Variants in IL1RAPL2 observed in about 807,000 individuals in gnomAD.
IL1RAPL2 encodes the protein X-linked interleukin-1 receptor accessory protein-like 2.
IL1RAPL2 carries 3 observed loss-of-function variants against 44.1 expected under a neutral mutation model. The observed-to-expected ratio is 0.07, with a 90% confidence interval of 0.03 to 0.18. The LOEUF is 0.18. Among genes scored for constraint, IL1RAPL2 ranks in the 10% least tolerant of loss-of-function variants. The pLI is 1.00. For missense variants in IL1RAPL2, 391 were observed against 496.4 expected, an observed-to-expected ratio of 0.79 and a Z score of 2.02; for synonymous variants, 181 against 178.8, an observed-to-expected ratio of 1.01 and a Z score of -0.10.
At chrX:104,670,737 C>A (rs1222530959) in intron 2 of IL1RAPL2, among the ~76,000 whole-genome samples, 2 of 111,455 alleles carry the variant, frequency 1.8e-5, no homozygotes, top group African/African-American at 6.5e-5. Context: ...GTAGTCACCC[C>A]ACACTTCTTC....
At chrX:105,132,761 C>T (rs778028171) in intron 2 of IL1RAPL2, among the ~76,000 whole-genome samples, 1 of 111,561 alleles carries the variant, frequency 9.0e-6, no homozygotes, top group East Asian at 2.8e-4. Flanking sequence ...GTTGTTTCTT[C>T]TATTCTTTAT....
At chrX:105,543,983 T>A (rs769376369) in intron 6 of IL1RAPL2, among the ~76,000 whole-genome samples, 1 of 112,008 alleles carries the variant, frequency 8.9e-6, no homozygotes, top group Admixed American at 9.5e-5. Flanking sequence ...AAAGGTTGCG[T>A]TGACTTTTTA....
chrX:105,154,412 A>C (rs1283264180), intron 2 of IL1RAPL2, among the ~76,000 whole-genome samples: 2 of 111,595 alleles, frequency 1.8e-5, no homozygotes, highest in East Asian at 5.7e-4. Flanking sequence ...GAGCACCATT[A>C]TATCAGAATT....
intron 5 of IL1RAPL2, among the ~76,000 whole-genome samples, chrX:105,291,258 G>A (rs763448244): frequency 1.4e-4 from 16 of 111,794 alleles, no homozygotes; most frequent in Non-Finnish European, 2.6e-4. Flanking sequence ...AAAGTCTTTT[G>A]TACTGTCTTT....
intron 2 of IL1RAPL2, among the ~76,000 whole-genome samples, chrX:105,065,803 T>C (rs1249631081): frequency 1.8e-5 from 2 of 112,026 alleles, no homozygotes; most frequent in Non-Finnish European, 3.8e-5. Context: ...ATAGAAGATG[T>C]CACTTTAGGC....
intron 2 of IL1RAPL2, among the ~76,000 whole-genome samples, chrX:104,902,306 G>A (rs1401823264): frequency 1.8e-5 from 2 of 112,165 alleles, no homozygotes; most frequent in African/African-American, 6.5e-5. Context: ...TGACACAGTA[G>A]ATTGAGCAAT....
rs6621935 is a variant in IL1RAPL2, at chrX:105,141,261, C to G, written c.83-54214C>G. Among the ~76,000 whole-genome samples, 75 of 110,572 alleles carry G rather than the reference C, an allele frequency of 6.8e-4. No individual in the cohort carries two copies. In the East Asian group the frequency reaches 0.016, roughly 23 times the overall value. On this transcript the variant is annotated intron_variant, in intron 2 of 10. Coordinates refer to ENST00000372582, the MANE Select transcript of IL1RAPL2 (RefSeq NM_017416.2). ...GATAGAAAGGAAGGAGTATTTGAAG[C>G]CCACAGGTGAACATTAGTTTAGAAA...
chrX:104,631,786 T>C (rs1253870845), intron 1 of IL1RAPL2, among the ~76,000 whole-genome samples: 2 of 111,225 alleles, frequency 1.8e-5, no homozygotes, highest in Non-Finnish European at 3.8e-5. Flanking sequence ...TCCCATTCTG[T>C]AGGTTGCCTG....
At chrX:105,060,832 C>A (rs2032066511) in intron 2 of IL1RAPL2, among the ~76,000 whole-genome samples, 1 of 109,961 alleles carries the variant, frequency 9.1e-6, no homozygotes, top group Admixed American at 9.7e-5. Flanking sequence ...AATTTATTAG[C>A]ATATAGTTGC....
intron 5 of IL1RAPL2, among the ~76,000 whole-genome samples, chrX:105,436,630 T>C (rs897860413): frequency 8.1e-5 from 9 of 111,091 alleles, no homozygotes; most frequent in Middle Eastern, 4.6e-3. Context: ...TAGGGCCATA[T>C]TCATTTGAGC....
chrX:104,610,940 C>T (rs1035872806), intron 1 of IL1RAPL2, among the ~76,000 whole-genome samples: 2 of 111,687 alleles, frequency 1.8e-5, no homozygotes, highest in African/African-American at 6.5e-5. Flanking sequence ...TTGGAGTTTG[C>T]TGGAGGTCCA....
chrX:104,731,805 A>G (rs907125074), intron 2 of IL1RAPL2, among the ~76,000 whole-genome samples: 1 of 111,929 alleles, frequency 8.9e-6, no homozygotes, highest in Non-Finnish European at 1.9e-5. Context: ...CATAAATAGA[A>G]CTCTGGGCCC....
chrX:104,907,876 T>G (rs1236697859), intron 2 of IL1RAPL2, among the ~76,000 whole-genome samples: 1 of 109,913 alleles, frequency 9.1e-6, no homozygotes, highest in Non-Finnish European at 1.9e-5. Flanking sequence ...TTCTGTCTCG[T>G]TGATCTGTCT....
chrX:104,878,960 G>T (rs752314562), intron 2 of IL1RAPL2, among the ~76,000 whole-genome samples: 1 of 110,412 alleles, frequency 9.1e-6, no homozygotes, highest in Admixed American at 9.7e-5. Context: ...AGACATTAAA[G>T]GTACAAAAAG....
At chrX:105,175,602 A>G (rs2033465065) in intron 2 of IL1RAPL2, among the ~76,000 whole-genome samples, 1 of 111,142 alleles carries the variant, frequency 9.0e-6, no homozygotes, top group African/African-American at 3.3e-5. Context: ...TAACTAGGTA[A>G]TATAATTTTG....
At chrX:104,790,820 T>A (rs1932821872) in intron 2 of IL1RAPL2, among the ~76,000 whole-genome samples, 1 of 111,616 alleles carries the variant, frequency 9.0e-6, no homozygotes, top group Non-Finnish European at 1.9e-5. Context: ...AGAAATGTAA[T>A]TCACATTTTA....
chrX:105,412,349 T>C (rs1043926912), intron 5 of IL1RAPL2, among the ~76,000 whole-genome samples: 1 of 103,947 alleles, frequency 9.6e-6, no homozygotes, highest in East Asian at 3.1e-4. Context: ...TACAATGGAA[T>C]ACTATTCAGC....
rs746893163 is a variant in IL1RAPL2 at position 104,695,956 on chromosome X, C to T, written c.82+36961C>T. Among the ~76,000 whole-genome samples, 133 of 110,862 alleles carry T rather than the reference C, an allele frequency of 1.2e-3. 1 individual carries two copies. The highest frequency in any genetic ancestry group is 2.3e-3 in the Non-Finnish European group (122 of 52,883). ...CTGAGTAGCTGGGATTACAGGCGCC[C>T]GCCACCACACCCGGCTAATTTTTGT... On this transcript the variant is annotated intron_variant, in intron 2 of 10. Coordinates refer to ENST00000372582, the MANE Select transcript of IL1RAPL2 (RefSeq NM_017416.2).
chrX:105,237,873 G>C (rs2034135796), intron 4 of IL1RAPL2, among the ~76,000 whole-genome samples: 1 of 111,806 alleles, frequency 8.9e-6, no homozygotes, highest in Non-Finnish European at 1.9e-5. Context: ...TCTGTCTATA[G>C]CAATATAAAG....
Sources: allele counts gnomAD v4.1 joint callset (sites outside exome capture counted in the v4.1 genomes callset), GRCh38; gene constraint gnomAD v4.1.1; transcripts MANE v1.5; gene names NCBI Gene and HGNC (gene_info 2026-07-23, HGNC 2026-07-21).